The following RIN2 variants were observed in gnomAD, a reference collection of about 807,000 sequenced individuals.
The protein encoded by RIN2 is RAB5 interacting protein 2.
In RIN2, 36 loss-of-function variants were observed where a neutral mutation model predicts 78.0. The observed-to-expected ratio is 0.46, with a 90% CI of 0.35 to 0.61. The LOEUF (loss-of-function observed/expected upper bound fraction) is 0.61, where lower values mean the gene tolerates loss of function less well. Ranked by LOEUF, RIN2 falls within the 20% of genes least tolerant of loss-of-function variation. The probability of loss-of-function intolerance (pLI) is 0.00; values close to 1 mark genes in which losing one functional copy is unlikely to be tolerated. For synonymous variants in RIN2, 466 were observed against 466.8 expected (o/e 1.00, Z 0.02); for missense variants, 1,087 against 1,159.7 (o/e 0.94, Z 0.91).
chr20:19,975,226 C>G lies in RIN2; in HGVS notation c.1201C>G (p.Pro401Ala), dbSNP rs759254214. The stretch of plus-strand genomic sequence containing the variant: ...AGCTGGCAGCCCAGGTGGGGCCCCG[C>G]CTGAGGCCGCCCCGGGGGATTGCAC... ...GTAGSPGGAP[P>A]EAAPGDCTRA... Residue 401 changes from proline (P) to alanine (A), a missense_variant, in exon 9 of 13, where the codon CCT becomes GCT. Pro to Ala is a conservative substitution (Grantham distance 27). This residue lies in a region of RIN2 where 706 missense variants were observed against 667.5 expected (regional missense o/e 1.06). Coordinates refer to ENST00000255006, the MANE Select transcript of RIN2 (RefSeq NM_018993.4). The surrounding 1 kb of genome is among the most constrained non-coding windows in gnomAD (Gnocchi z 4.9). 1 of 1,585,706 alleles carries G rather than the reference C, an allele frequency of 6.3e-7. No homozygotes were observed. Among genetic ancestry groups the G allele is most frequent in the Admixed American group, 1.8e-5 (1 of 55,172 alleles).
chr20:19,810,683 CTTT>C lies in RIN2; in HGVS notation c.-37+10960_-37+10962del, dbSNP rs535994979. Among the ~76,000 whole-genome samples the C allele has an allele frequency of 1.1e-3, 107 of 99,624 alleles. 1 individual carries two copies. The highest frequency in any genetic ancestry group is 8.0e-3 in the East Asian group (26 of 3,254). 65.4% of individuals were successfully genotyped at this position (99,624 alleles called of 152,430 possible). A position where few individuals can be genotyped will look rare whatever the true frequency, so the allele number is the denominator to read the frequency against. Reference sequence around the variant, plus strand: ...TTGATCATGTTAAGATTATAAGGTACTTTTTTTTTTTTTTTTTTTTTTTTTTGA... The same window carrying C: ...TTGATCATGTTAAGATTATAAGGTACTTTTTTTTTTTTTTTTTTTTTTTGA... On this transcript the variant is annotated intron_variant, in intron 2 of 12. Transcript: ENST00000255006.
chr20:19,924,903 C>A (rs1409726996), intron 3 of RIN2, among the ~76,000 whole-genome samples: 1 of 149,526 alleles, frequency 6.7e-6, no homozygotes, highest in African/African-American at 2.5e-5. Flanking sequence ...CCATGCCCAG[C>A]TAATTTTGTA....
Position 19,996,670 on chromosome 20 carries a change from T to A in RIN2, c.2201-9T>A. 6.2e-7 allele frequency: 1 copy of A among 1,614,022 alleles called. No individual in the cohort carries two copies. Among genetic ancestry groups the A allele is most frequent in the Non-Finnish European group, 8.5e-7 (1 of 1,179,894 alleles). Reference sequence around the variant, plus strand: ...CACTGGGAGGACCCACTCTTTCTGCTCTTTTCAGGAGGCTATTACTTGACA... The same window carrying A: ...CACTGGGAGGACCCACTCTTTCTGCACTTTTCAGGAGGCTATTACTTGACA... On this transcript the variant is annotated splice_polypyrimidine_tract_variant and intron_variant, in intron 11 of 12. Coordinates refer to ENST00000255006, the MANE Select transcript of RIN2 (RefSeq NM_018993.4).
chr20:19,909,508 T>TTTGTGTGC (rs1485391126), intron 3 of RIN2, among the ~76,000 whole-genome samples: 1 of 152,228 alleles, frequency 6.6e-6, no homozygotes, highest in Non-Finnish European at 1.5e-5. Context: ...GAGATGAGCA[T>TTTGTGTGC]TTGTGTGCTT....
At chr20:19,894,375 C>T (rs764224961) in intron 3 of RIN2, among the ~76,000 whole-genome samples, 1 of 152,042 alleles carries the variant, frequency 6.6e-6, no homozygotes, top group Non-Finnish European at 1.5e-5. Flanking sequence ...CCAATGCTGG[C>T]AAATCCTCCT....
chr20:19,892,256 A>G (rs6046432), intron 3 of RIN2, among the ~76,000 whole-genome samples: 96,253 of 152,090 alleles, frequency 0.63, 30,812 homozygotes, highest in African/African-American at 0.73. Context: ...TCATTCTTTC[A>G]CCCAGGCTGG....
At chr20:19,977,248 C>T (rs546391701) in intron 9 of RIN2, among the ~76,000 whole-genome samples, 6 of 152,262 alleles carry the variant, frequency 3.9e-5, no homozygotes, top group Admixed American at 2.0e-4. Flanking sequence ...TGGCCAGCGG[C>T]GCCAACCAGC....
At chr20:19,937,013 A>G (rs1053075330) in intron 4 of RIN2, among the ~76,000 whole-genome samples, 12 of 152,232 alleles carry the variant, frequency 7.9e-5, no homozygotes, top group Non-Finnish European at 1.8e-4. Flanking sequence ...GAATCTTCCT[A>G]GCACTTCCAG....
At chr20:19,888,805 A>C (rs1390806885) in intron 2 of RIN2, among the ~76,000 whole-genome samples, 1 of 152,252 alleles carries the variant, frequency 6.6e-6, no homozygotes, top group Non-Finnish European at 1.5e-5. Flanking sequence ...TGTTTAACTT[A>C]GAACTGAATG....
At chr20:19,938,668 A>T (rs1286588449) in intron 4 of RIN2, among the ~76,000 whole-genome samples, 1 of 152,162 alleles carries the variant, frequency 6.6e-6, no homozygotes, top group African/African-American at 2.4e-5. Flanking sequence ...TGTTGTTGGG[A>T]AGATTAAGTG....
At chr20:19,801,113 C>T (rs922280319) in intron 2 of RIN2, among the ~76,000 whole-genome samples, 1 of 152,158 alleles carries the variant, frequency 6.6e-6, no homozygotes, top group Non-Finnish European at 1.5e-5. Context: ...TGTTGTTGCT[C>T]TATTTCTTAA....
intron 9 of RIN2, among the ~76,000 whole-genome samples, chr20:19,983,647 A>T (rs1356351821): frequency 6.6e-6 from 1 of 152,236 alleles, no homozygotes; most frequent in African/African-American, 2.4e-5. Context: ...CTAAGAGGTC[A>T]CATGATCTAA....
chr20:19,965,972 C>A (rs1303405962), intron 7 of RIN2, among the ~76,000 whole-genome samples: 1 of 152,116 alleles, frequency 6.6e-6, no homozygotes, highest in African/African-American at 2.4e-5. Flanking sequence ...TTCTTTCTTT[C>A]TTTTTTTCCA....
intron 1 of RIN2, among the ~76,000 whole-genome samples, chr20:19,764,071 T>C (rs73291509): frequency 0.05 from 7,613 of 152,288 alleles, 467 homozygotes; most frequent in African/African-American, 0.15. Flanking sequence ...ATGAGTGAAG[T>C]CTTTTTTTAA....
At chr20:19,772,745 T>C (rs1375952585) in intron 1 of RIN2, among the ~76,000 whole-genome samples, 1 of 152,236 alleles carries the variant, frequency 6.6e-6, no homozygotes, top group East Asian at 1.9e-4. Flanking sequence ...ATCCCCCTGG[T>C]ATGCATGAAG....
Position 19,844,600 on chromosome 20 carries a change from CCTCTTCTTCT to C in RIN2, c.-37+44854_-37+44863del, listed in dbSNP as rs2036682747. Among the ~76,000 whole-genome samples, 3 of 74,898 alleles carry C rather than the reference CCTCTTCTTCT, an allele frequency of 4.0e-5. 1 individual carries two copies. Among genetic ancestry groups the C allele is most frequent in the African/African-American group, 9.4e-5 (2 of 21,368 alleles). 49.1% of individuals were successfully genotyped at this position (74,898 alleles called of 152,430 possible). ...GCTGCTGCTGCTGCTGCTGCTTCTTCCTCTTCTTCTTCTTCTTCTTCTTCTTCTTCTTCTT... is the reference window on the plus strand; with the variant it reads ...GCTGCTGCTGCTGCTGCTGCTTCTTCTCTTCTTCTTCTTCTTCTTCTTCTT... On this transcript the variant is annotated intron_variant, in intron 2 of 12. Transcript: ENST00000255006.
chr20:19,767,879 C>G (rs1295627066), intron 1 of RIN2, among the ~76,000 whole-genome samples: 2 of 148,752 alleles, frequency 1.3e-5, no homozygotes, highest in Non-Finnish European at 3.0e-5. Context: ...GAGCCGAGAT[C>G]ACGCCACTGC....
At chr20:19,758,949 G>C (rs976456436) in intron 1 of RIN2, among the ~76,000 whole-genome samples, 1 of 152,220 alleles carries the variant, frequency 6.6e-6, no homozygotes, top group Non-Finnish European at 1.5e-5. Context: ...GGGCTGTCGC[G>C]GTGATTGATG....
chr20:19,879,795 G>C (rs947702764), intron 2 of RIN2, among the ~76,000 whole-genome samples: 1 of 150,976 alleles, frequency 6.6e-6, no homozygotes, highest in Non-Finnish European at 1.5e-5. Flanking sequence ...AAACATGATT[G>C]GCTAGTGGAC....
Sources: allele counts gnomAD v4.1 joint callset (sites outside exome capture counted in the v4.1 genomes callset), GRCh38; gene constraint gnomAD v4.1.1; regional missense constraint gnomAD v4.1.1; non-coding constraint Gnocchi (gnomAD v3.1); transcripts MANE v1.5; gene names NCBI Gene and HGNC (gene_info 2026-07-23, HGNC 2026-07-21).